The following CACNA2D3 variants were observed in gnomAD, a reference collection of about 807,000 sequenced individuals.
CACNA2D3 encodes voltage-dependent calcium channel subunit alpha-2/delta-3.
Under a neutral mutation model 160.6 loss-of-function variants are expected in CACNA2D3, and 60 were observed. The ratio of observed to expected loss-of-function variants is 0.37; its 90% CI spans 0.30 to 0.46. The LOEUF is 0.46. Ranked by LOEUF, CACNA2D3 falls within the 20% of genes least tolerant of loss-of-function variation. CACNA2D3 has a pLI of 1.00. For missense variants in CACNA2D3, 1,205 were observed against 1,365.0 expected, an observed-to-expected ratio of 0.88 and a Z score of 1.85; for synonymous variants, 558 against 492.9, an observed-to-expected ratio of 1.13 and a Z score of -1.75.
chr3:54,319,571 A>G (rs555189505), intron 2 of CACNA2D3, among the ~76,000 whole-genome samples: 1 of 152,344 alleles, frequency 6.6e-6, no homozygotes, highest in Non-Finnish European at 1.5e-5. Flanking sequence ...GAAGGTTCCT[A>G]TTAATAAACA....
chr3:54,733,584 G>A (rs1701435661), intron 11 of CACNA2D3, among the ~76,000 whole-genome samples: 1 of 152,166 alleles, frequency 6.6e-6, no homozygotes, highest in Admixed American at 6.6e-5. Flanking sequence ...GGCCTCCCGG[G>A]CCCTTTCACA....
chr3:54,859,996 A>G (rs1455492340), intron 17 of CACNA2D3, among the ~76,000 whole-genome samples: 2 of 151,760 alleles, frequency 1.3e-5, no homozygotes, highest in African/African-American at 4.8e-5. Flanking sequence ...ACACACACAC[A>G]CACACACACA....
intron 2 of CACNA2D3, among the ~76,000 whole-genome samples, chr3:54,144,590 C>T (rs1699992397): frequency 6.6e-6 from 1 of 152,242 alleles, no homozygotes; most frequent in Admixed American, 6.5e-5. Context: ...CTTTACTCTT[C>T]CTTATATAGG....
chr3:54,764,552 A>G (rs958836658), intron 13 of CACNA2D3, among the ~76,000 whole-genome samples: 3 of 152,224 alleles, frequency 2.0e-5, no homozygotes, highest in Admixed American at 6.5e-5. Context: ...CACGTACTTC[A>G]GAAAGGTAGC....
At chr3:54,564,561 G>C (rs1317725474) in intron 6 of CACNA2D3, among the ~76,000 whole-genome samples, 13 of 152,216 alleles carry the variant, frequency 8.5e-5, no homozygotes, top group Admixed American at 8.5e-4. Context: ...CTCAAAGAGT[G>C]ATCATGAGCA....
chr3:54,212,889 CAGGACATTCTAGAGGAT>C (rs1157441403), intron 2 of CACNA2D3, among the ~76,000 whole-genome samples: 1 of 152,180 alleles, frequency 6.6e-6, no homozygotes, highest in Non-Finnish European at 1.5e-5. Flanking sequence ...ACCTGCCCCA[CAGGACATTCTAGAGGAT>C]TAATGAGATG....
At chr3:55,020,616 A>G (rs1444784295) in intron 35 of CACNA2D3, among the ~76,000 whole-genome samples, 1 of 151,914 alleles carries the variant, frequency 6.6e-6, no homozygotes, top group Non-Finnish European at 1.5e-5. Flanking sequence ...TTGGGAGGCC[A>G]AGGCGGGTGT....
In CACNA2D3 at chr3:54,687,135, G is replaced by GTTTTTTTTTTTTTTTTTTTTTTT. The variant is rs1290353261; in HGVS notation, c.1167+44909_1167+44910insTTTTTTTTTTTTTTTTTTTTTTT. Among the ~76,000 whole-genome samples, 6 of 88,896 alleles carry GTTTTTTTTTTTTTTTTTTTTTTT rather than the reference G, an allele frequency of 6.7e-5. 1 individual carries two copies. Among genetic ancestry groups the GTTTTTTTTTTTTTTTTTTTTTTT allele is most frequent in the Admixed American group, 1.4e-4 (1 of 7,386 alleles). 58.3% of individuals were successfully genotyped at this position (88,896 alleles called of 152,430 possible). ...TTTTTCTTTTTCTTTTTTTTTTTTTGTTTTTTTTTTTTTTTGTTTTTTTGA... is the reference window on the plus strand; with the variant it reads ...TTTTTCTTTTTCTTTTTTTTTTTTTGTTTTTTTTTTTTTTTTTTTTTTTTTTTTTTTTTTTTTTGTTTTTTTGA... On this transcript the variant is annotated intron_variant, in intron 11 of 37. Transcript: ENST00000474759.
At chr3:54,956,076 C>G (rs1701884748) in intron 27 of CACNA2D3, among the ~76,000 whole-genome samples, 1 of 152,188 alleles carries the variant, frequency 6.6e-6, no homozygotes, top group South Asian at 2.1e-4. Context: ...CTCCTTCTCC[C>G]TCCCCTCCCT....
At chr3:55,010,112 A>G (rs906416292) in intron 34 of CACNA2D3, among the ~76,000 whole-genome samples, 7 of 152,188 alleles carry the variant, frequency 4.6e-5, no homozygotes, top group African/African-American at 1.4e-4. Flanking sequence ...TGCTGACCAC[A>G]GTGACTGGAA....
rs370918341 is a variant in CACNA2D3 at position 54,636,583 on chromosome 3, A to T, written c.1054-5545A>T. Among the ~76,000 whole-genome samples the T allele has an allele frequency of 5.5e-4, 83 of 152,068 alleles. No individual in the cohort carries two copies. The East Asian group carries it at 9.7e-3, about 18-fold the overall frequency. ...GCAGCGGCAGCCTCTGCACGCAGAC[A>T]TGAGGGCTAGGCTAAAACAGTAAGG... On this transcript the variant is annotated intron_variant, in intron 10 of 37. Coordinates refer to ENST00000474759, the MANE Select transcript of CACNA2D3 (RefSeq NM_018398.3).
chr3:54,854,538 A>G (rs1699125527), intron 17 of CACNA2D3, among the ~76,000 whole-genome samples: 1 of 151,934 alleles, frequency 6.6e-6, no homozygotes, highest in Non-Finnish European at 1.5e-5. Flanking sequence ...TTTTTTTATT[A>G]TGGACAGTGT....
chr3:54,155,982 C>T (rs1299776833), intron 2 of CACNA2D3, among the ~76,000 whole-genome samples: 2 of 152,146 alleles, frequency 1.3e-5, no homozygotes, highest in African/African-American at 2.4e-5. Context: ...TTACCAAACA[C>T]GTTATTCTCT....
intron 27 of CACNA2D3, among the ~76,000 whole-genome samples, chr3:54,928,427 C>T (rs768936017): frequency 3.3e-5 from 5 of 152,220 alleles, no homozygotes; most frequent in East Asian, 1.9e-4. Flanking sequence ...GGATGCTGGA[C>T]GGGACCCTCA....
intron 5 of CACNA2D3, among the ~76,000 whole-genome samples, chr3:54,557,575 G>T (rs754186086): frequency 6.6e-6 from 1 of 152,162 alleles, no homozygotes; most frequent in Admixed American, 6.5e-5. Flanking sequence ...ATGGAATTTC[G>T]CTTCTTTTTG....
At chr3:54,343,188 G>GC (rs533287044) in intron 3 of CACNA2D3, among the ~76,000 whole-genome samples, 3,301 of 151,848 alleles carry the variant, frequency 0.022, 64 homozygotes, top group Middle Eastern at 0.072. Flanking sequence ...TGTGTTTAAA[G>GC]CCCCCCCCTC....
intron 2 of CACNA2D3, among the ~76,000 whole-genome samples, chr3:54,260,445 G>A (rs1429589804): frequency 1.3e-5 from 2 of 152,156 alleles, no homozygotes; most frequent in African/African-American, 2.4e-5. Context: ...GCAGCATGCG[G>A]CAAGACAGAG....
At chr3:54,656,007 G>T (rs1360452749) in intron 11 of CACNA2D3, among the ~76,000 whole-genome samples, 1 of 152,148 alleles carries the variant, frequency 6.6e-6, no homozygotes. Flanking sequence ...ATCTTGCAGG[G>T]TTGTTTTTGG....
At position 54,547,301 on chromosome 3, in the gene CACNA2D3, G is replaced by T. The variant is rs1195225459; in HGVS notation, c.545-15499G>T. Among the ~76,000 whole-genome samples, 6 of 152,096 alleles carry T rather than the reference G, an allele frequency of 3.9e-5. No homozygotes were observed. The East Asian group carries it at 1.2e-3, about 29-fold the overall frequency. On this transcript the variant is annotated intron_variant, in intron 5 of 37. Coordinates refer to ENST00000474759, the MANE Select transcript of CACNA2D3 (RefSeq NM_018398.3). ...GGAGGTTTACAACCTGTAGATCTTT[G>T]CATGAAATTGGGCATGTACTTACAA...
Sources: gnomAD v4.1 joint callset for allele counts (sites outside exome capture counted in the v4.1 genomes callset) on GRCh38, gnomAD v4.1.1 for gene constraint, MANE v1.5 for transcripts, NCBI Gene and HGNC (gene_info 2026-07-23, HGNC 2026-07-21) for gene names.